The following KIRREL3 variants were observed in gnomAD, a reference collection of about 807,000 sequenced individuals.
KIRREL3 encodes kin of IRRE-like protein 3.
Under a neutral mutation model 89.7 loss-of-function variants are expected in KIRREL3, and 36 were observed. That is an observed-to-expected ratio of 0.40 (90% CI 0.31 to 0.53). KIRREL3 has a LOEUF of 0.53. Ranked by LOEUF, KIRREL3 falls within the 20% of genes least tolerant of loss-of-function variation. The probability of loss-of-function intolerance (pLI) is 0.49; values close to 1 mark genes in which losing one functional copy is unlikely to be tolerated. For missense variants in KIRREL3, 864 were observed against 1,056.6 expected, an observed-to-expected ratio of 0.82 and a Z score of 2.53; for synonymous variants, 445 against 441.4, an observed-to-expected ratio of 1.01 and a Z score of -0.10.
Position 126,526,809 on chromosome 11 carries a change from C to T in KIRREL3, c.134-122G>A, listed in dbSNP as rs1958775985. 1 of 1,095,100 alleles carries T rather than the reference C, an allele frequency of 9.1e-7. No homozygotes were observed. The highest frequency in any genetic ancestry group is 1.6e-5 in the South Asian group (1 of 63,940). The allele number at this position is 1,095,100 out of a possible 1,614,324, so 67.8% of individuals were successfully genotyped here. ...AGACTGAGCCTCCTGAAGCACCTGG[C>T]TTTCCTGCTGAGGGTCTGGTAGAGC... On this transcript the variant is annotated intron_variant, in intron 2 of 16. Transcript: ENST00000525144. The surrounding 1 kb of genome is among the most constrained non-coding windows in gnomAD (Gnocchi z 5.7).
intron 1 of KIRREL3, among the ~76,000 whole-genome samples, chr11:126,803,328 G>A (rs1051616779): frequency 6.6e-6 from 1 of 152,098 alleles, no homozygotes; most frequent in African/African-American, 2.4e-5. Context: ...TTGGAGAAGT[G>A]GCATTGGAAG....
chr11:126,935,848 A>G (rs1948162551), intron 1 of KIRREL3: 2 of 152,198 alleles, frequency 1.3e-5, no homozygotes, highest in African/African-American at 4.8e-5. Context: ...GTACTGCACT[A>G]AGAGTGAATC....
At chr11:126,461,782 C>T (rs927103449) in intron 6 of KIRREL3, among the ~76,000 whole-genome samples, 2 of 152,136 alleles carry the variant, frequency 1.3e-5, no homozygotes, top group African/African-American at 2.4e-5. Flanking sequence ...TGGAGAGACA[C>T]TCGGAGCCCA....
chr11:126,968,815 G>A (rs1356986593), intron 1 of KIRREL3, among the ~76,000 whole-genome samples: 1 of 152,074 alleles, frequency 6.6e-6, no homozygotes, highest in Non-Finnish European at 1.5e-5. Context: ...AGTGAGAAAG[G>A]GGCAGGGGCA....
intron 1 of KIRREL3, among the ~76,000 whole-genome samples, chr11:126,827,370 G>C (rs1185814444): frequency 6.6e-6 from 1 of 152,010 alleles, no homozygotes; most frequent in Non-Finnish European, 1.5e-5. Flanking sequence ...TAGAGATGGG[G>C]TTTCACCATA....
Position 126,623,239 on chromosome 11 carries a change from T to C in KIRREL3, c.56-60327A>G, listed in dbSNP as rs1943645102. Among the ~76,000 whole-genome samples the C allele has an allele frequency of 1.3e-5, 2 of 152,282 alleles. No individual in the cohort carries two copies. Among genetic ancestry groups the C allele is most frequent in the East Asian group, 3.9e-4 (2 of 5,174 alleles). On this transcript the variant is annotated intron_variant, in intron 1 of 16. Coordinates refer to ENST00000525144, the MANE Select transcript of KIRREL3 (RefSeq NM_032531.4). The surrounding 1 kb of genome is among the most constrained non-coding windows in gnomAD (Gnocchi z 4.1). ...CAATGGGTGGAAAAACCTACCCACA[T>C]GCTATGAGGATGGGAAACCAAAGTG...
rs564515934 is a variant in KIRREL3 at position 126,692,959 on chromosome 11, G to A, written c.56-130047C>T. 2.0e-5 allele frequency among the ~76,000 whole-genome samples: 3 copies of A among 152,362 alleles called. No individual in the cohort carries two copies. In the South Asian group the frequency reaches 6.2e-4, roughly 32 times the overall value. ...GCCTGGTGACTTGCTTTGGCCCATA[G>A]CCTGTGGTGGAAGCGAGGCTGTGCT... On this transcript the variant is annotated intron_variant, in intron 1 of 16. Transcript: ENST00000525144.
rs1442372406 is a variant in KIRREL3 at position 126,905,590 on chromosome 11, C to T, written c.55+94865G>A. Among the ~76,000 whole-genome samples the T allele has an allele frequency of 1.3e-5, 2 of 152,022 alleles. No individual in the cohort carries two copies. The highest frequency in any genetic ancestry group is 6.5e-5 in the Admixed American group (1 of 15,276). On this transcript the variant is annotated intron_variant, in intron 1 of 16. Coordinates refer to ENST00000525144, the MANE Select transcript of KIRREL3 (RefSeq NM_032531.4). The surrounding 1 kb of genome is among the most constrained non-coding windows in gnomAD (Gnocchi z 5.0). ...CTTATCGAACCTGTCCCGCTTGTGA[C>T]CCACAAGAGCATTGCAAGCCTCATC...
chr11:126,849,354 G>T (rs1944258923), intron 1 of KIRREL3, among the ~76,000 whole-genome samples: 1 of 152,150 alleles, frequency 6.6e-6, no homozygotes, highest in South Asian at 2.1e-4. Flanking sequence ...ATAAAAATGG[G>T]CAACCAGCAG....
intron 1 of KIRREL3, among the ~76,000 whole-genome samples, chr11:126,784,792 C>G (rs769301079): frequency 3.3e-5 from 5 of 152,208 alleles, no homozygotes; most frequent in African/African-American, 1.2e-4. Flanking sequence ...CCTCTATCAC[C>G]ATTTTACTTA....
rs945807237 is a variant in KIRREL3 at position 126,498,657 on chromosome 11, G to T, written c.433+22658C>A. On this transcript the variant is annotated intron_variant, in intron 4 of 16. Coordinates refer to ENST00000525144, the MANE Select transcript of KIRREL3 (RefSeq NM_032531.4). This position sits in a 1 kb window ranked among gnomAD's most constrained non-coding sequence, Gnocchi z 4.3. ...GGCCCGTGACCTGGCACCCTGTGAC[G>T]ACAAGCAGAGGAGACTCAGTGATGA... 6.6e-6 allele frequency among the ~76,000 whole-genome samples: 1 copy of T among 152,200 alleles called. No individual in the cohort carries two copies. Among genetic ancestry groups the T allele is most frequent in the Non-Finnish European group, 1.5e-5 (1 of 68,040 alleles).
chr11:126,932,321 G>A (rs989335863), intron 1 of KIRREL3, among the ~76,000 whole-genome samples: 13 of 152,202 alleles, frequency 8.5e-5, no homozygotes, highest in African/African-American at 1.2e-4. Context: ...ACACACATAT[G>A]AGCATCAACA....
chr11:126,939,978 C>A (rs1345942042), intron 1 of KIRREL3, among the ~76,000 whole-genome samples: 1 of 152,196 alleles, frequency 6.6e-6, no homozygotes, highest in Non-Finnish European at 1.5e-5. Flanking sequence ...TTTACCTCCT[C>A]TGACTTTTCA....
Position 126,519,308 on chromosome 11 carries a change from G to A in KIRREL3, c.433+2007C>T, listed in dbSNP as rs1015182099. Among the ~76,000 whole-genome samples the A allele has an allele frequency of 6.6e-6, 1 of 152,220 alleles. No individual in the cohort carries two copies. Among genetic ancestry groups the A allele is most frequent in the African/African-American group, 2.4e-5 (1 of 41,454 alleles). ...CAGATGAGATGCTGCTGGCATCTGGGAACAGGAGACTAGGCAAAGAGCTTG... is the reference window on the plus strand; with the variant it reads ...CAGATGAGATGCTGCTGGCATCTGGAAACAGGAGACTAGGCAAAGAGCTTG... On this transcript the variant is annotated intron_variant, in intron 4 of 16. Coordinates refer to ENST00000525144, the MANE Select transcript of KIRREL3 (RefSeq NM_032531.4). This position sits in a 1 kb window ranked among gnomAD's most constrained non-coding sequence, Gnocchi z 4.3.
rs376962482 is a variant in KIRREL3 at position 126,730,863 on chromosome 11, C to T, written c.56-167951G>A. Among the ~76,000 whole-genome samples, 409 of 152,200 alleles carry T rather than the reference C, an allele frequency of 2.7e-3. 2 individuals are homozygous for T. Among genetic ancestry groups the T allele is most frequent in the African/African-American group, 9.3e-3 (385 of 41,526 alleles). On this transcript the variant is annotated intron_variant, in intron 1 of 16. Coordinates refer to ENST00000525144, the MANE Select transcript of KIRREL3 (RefSeq NM_032531.4). ...ACGCCATTCTCCTGCCTCAGCCTCC[C>T]GAGTAGCTGGGACTACAGGCACCTG...
At position 126,796,707 on chromosome 11, in the gene KIRREL3, G is replaced by T. The variant is rs888597830; in HGVS notation, c.55+203748C>A. 4.6e-5 allele frequency among the ~76,000 whole-genome samples: 7 copies of T among 151,732 alleles called. No homozygotes were observed. The highest frequency in any genetic ancestry group is 8.8e-5 in the Non-Finnish European group (6 of 67,954). ...TATTTTATTTTTGCAACAAGGTCTT[G>T]CTCTGTTGCCCAGGCTGGAGTGCAG... On this transcript the variant is annotated intron_variant, in intron 1 of 16. Coordinates refer to ENST00000525144, the MANE Select transcript of KIRREL3 (RefSeq NM_032531.4). This position sits in a 1 kb window ranked among gnomAD's most constrained non-coding sequence, Gnocchi z 5.1.
intron 1 of KIRREL3, among the ~76,000 whole-genome samples, chr11:126,902,359 C>A (rs1167679123): frequency 6.6e-6 from 1 of 152,210 alleles, no homozygotes; most frequent in Non-Finnish European, 1.5e-5. Context: ...TTCTGGCTTA[C>A]ATTTATTCCA....
At chr11:126,447,967 G>T (rs1043069316) in intron 8 of KIRREL3, among the ~76,000 whole-genome samples, 8 of 152,184 alleles carry the variant, frequency 5.3e-5, no homozygotes, top group South Asian at 4.1e-4. Flanking sequence ...CTGCCTTGCT[G>T]CGGGTCCCTG....
chr11:126,839,610 C>G (rs1012551998), intron 1 of KIRREL3, among the ~76,000 whole-genome samples: 1 of 152,036 alleles, frequency 6.6e-6, no homozygotes, highest in South Asian at 2.1e-4. Flanking sequence ...GACTGGTTTG[C>G]CTTGGGTAAA....
Sources: gnomAD v4.1 joint callset for allele counts (sites outside exome capture counted in the v4.1 genomes callset) on GRCh38, gnomAD v4.1.1 for gene constraint, Gnocchi (gnomAD v3.1) non-coding constraint, MANE v1.5 for transcripts, NCBI Gene and HGNC (gene_info 2026-07-23, HGNC 2026-07-21) for gene names.